The following CCNY variants were observed in gnomAD, a reference collection of about 807,000 sequenced individuals.
CCNY encodes the protein cyclin-Y.
A neutral mutation model predicts 42.8 loss-of-function variants in CCNY; 19 were observed. The ratio of observed to expected loss-of-function variants is 0.44; its 90% CI spans 0.31 to 0.65. CCNY has a LOEUF of 0.65. Ranked by LOEUF, CCNY falls within the 30% of genes least tolerant of loss-of-function variation. The pLI, the probability that CCNY is intolerant of heterozygous loss-of-function variation, is 0.07. For missense variants in CCNY, 370 were observed against 437.3 expected, an observed-to-expected ratio of 0.85 and a Z score of 1.37; for synonymous variants, 165 against 162.7, an observed-to-expected ratio of 1.01 and a Z score of -0.11.
At chr10:35,497,567 G>A (rs1199881309) in intron 2 of CCNY, among the ~76,000 whole-genome samples, 1 of 151,892 alleles carries the variant, frequency 6.6e-6, no homozygotes, top group Non-Finnish European at 1.5e-5. Context: ...GCAAAACCCT[G>A]TCTCTACTAA....
intron 3 of CCNY, among the ~76,000 whole-genome samples, chr10:35,505,318 A>G (rs1171944563): frequency 6.6e-6 from 1 of 152,124 alleles, no homozygotes; most frequent in Non-Finnish European, 1.5e-5. Context: ...TGAGGAGTTG[A>G]ATAGCCAGCT....
intron 7 of CCNY, among the ~76,000 whole-genome samples, chr10:35,541,017 C>T (rs1323589564): frequency 3.3e-5 from 5 of 152,108 alleles, no homozygotes; most frequent in Non-Finnish European, 1.5e-5. Context: ...TCATTTCTTT[C>T]CACTTTAATG....
At chr10:35,462,750 C>G (rs1406375889) in intron 1 of CCNY, among the ~76,000 whole-genome samples, 1 of 152,184 alleles carries the variant, frequency 6.6e-6, no homozygotes, top group Admixed American at 6.5e-5. Flanking sequence ...AAACACTAGC[C>G]GTCCCTCTAC....
At chr10:35,356,938 C>G (rs1282751998) in intron 1 of CCNY, among the ~76,000 whole-genome samples, 3 of 152,104 alleles carry the variant, frequency 2.0e-5, no homozygotes, top group African/African-American at 7.3e-5. Flanking sequence ...GTGTCTGTCC[C>G]CTGCCTGCCA....
At chr10:35,536,978 G>T (rs1356487206) in intron 7 of CCNY, among the ~76,000 whole-genome samples, 9 of 152,188 alleles carry the variant, frequency 5.9e-5, no homozygotes, top group African/African-American at 1.9e-4. Context: ...CATGTCAGAG[G>T]TCTTCAGGGC....
At chr10:35,293,464 A>G (rs201791486) in intron 3 of CCNY, among the ~76,000 whole-genome samples, 2 of 152,136 alleles carry the variant, frequency 1.3e-5, no homozygotes, top group East Asian at 3.9e-4. Flanking sequence ...GAATTTCTAG[A>G]TGAATTTTAG....
intron 3 of CCNY, among the ~76,000 whole-genome samples, chr10:35,286,631 C>T (rs1297163707): frequency 6.7e-6 from 1 of 150,140 alleles, no homozygotes; most frequent in African/African-American, 2.5e-5. Flanking sequence ...GCTGGGATTA[C>T]AGGCGTGAGC....
chr10:35,256,249 CT>C (rs2095715387), intron 3 of CCNY, among the ~76,000 whole-genome samples: 1 of 151,968 alleles, frequency 6.6e-6, no homozygotes, highest in African/African-American at 2.4e-5. Flanking sequence ...TTCTATATGC[CT>C]TATAACTTTT....
chr10:35,331,181 C>CT (rs1309453816), intron 3 of CCNY, among the ~76,000 whole-genome samples: 2 of 152,228 alleles, frequency 1.3e-5, no homozygotes, highest in Non-Finnish European at 2.9e-5. Context: ...CAAAACAGGC[C>CT]TTGAAACTAT....
intron 3 of CCNY, among the ~76,000 whole-genome samples, chr10:35,309,364 G>A (rs1348823946): frequency 6.6e-6 from 1 of 152,202 alleles, no homozygotes; most frequent in Non-Finnish European, 1.5e-5. Context: ...CTGCCTCTGG[G>A]TGATGGAGAA....
chr10:35,372,438 G>C (rs1032432027), intron 1 of CCNY, among the ~76,000 whole-genome samples: 1 of 152,168 alleles, frequency 6.6e-6, no homozygotes, highest in Non-Finnish European at 1.5e-5. Flanking sequence ...GATCAGCCTC[G>C]GGCCTTCCAG....
chr10:35,337,259 A>C, intron 1 of CCNY, 52 bp downstream of exon 1: 1 of 1,425,616 alleles, frequency 7.0e-7, no homozygotes, highest in Non-Finnish European at 9.3e-7. Context: ...ACAGTCGCAC[A>C]GCCAACGTCG....
At chr10:35,491,266 C>A (rs1839888831) in intron 2 of CCNY, among the ~76,000 whole-genome samples, 1 of 152,202 alleles carries the variant, frequency 6.6e-6, no homozygotes, top group African/African-American at 2.4e-5. Context: ...GTCATAACTT[C>A]CTATAAATTG....
chr10:35,546,687 C>T (rs532660087), intron 7 of CCNY, among the ~76,000 whole-genome samples: 1 of 152,296 alleles, frequency 6.6e-6, no homozygotes, highest in East Asian at 1.9e-4. Flanking sequence ...CCCTCTGTTA[C>T]AGGATGTATT....
At chr10:35,300,668 C>T (rs1835523264) in intron 3 of CCNY, among the ~76,000 whole-genome samples, 1 of 152,172 alleles carries the variant, frequency 6.6e-6, no homozygotes, top group African/African-American at 2.4e-5. Flanking sequence ...TGCTTAACAA[C>T]TGCTTTACTC....
rs561725612 is a variant in CCNY, at chr10:35,343,969, G to A, written c.154+6762G>A. Among the ~76,000 whole-genome samples the A allele has an allele frequency of 1.5e-3, 231 of 152,318 alleles. 1 individual carries two copies. The highest frequency in any genetic ancestry group is 2.7e-3 in the Non-Finnish European group (186 of 68,030). On this transcript the variant is annotated intron_variant, in intron 1 of 9. Transcript: ENST00000374704. ...TCCTTTCATGATTCAACATTGGGCT[G>A]TGAGGGTAGGTCCCCAGCAATGACA... is the stretch of plus-strand genomic sequence containing the variant.
chr10:35,277,921 C>G (rs537085387), intron 3 of CCNY, among the ~76,000 whole-genome samples: 2 of 152,068 alleles, frequency 1.3e-5, no homozygotes, highest in Admixed American at 6.6e-5. Flanking sequence ...TAAAAGGCCA[C>G]GCAATGAGTT....
chr10:35,393,815 G>A (rs1837466870), intron 1 of CCNY, among the ~76,000 whole-genome samples: 1 of 152,140 alleles, frequency 6.6e-6, no homozygotes, highest in Admixed American at 6.6e-5. Flanking sequence ...GGGCACGGTG[G>A]CACGCACCTG....
Position 35,476,176 on chromosome 10 carries a change from A to G in CCNY, c.155-7228A>G, listed in dbSNP as rs543993098. 2.1e-3 allele frequency among the ~76,000 whole-genome samples: 317 copies of G among 152,342 alleles called. 2 individuals are homozygous for G. Among genetic ancestry groups the G allele is most frequent in the Non-Finnish European group, 3.5e-3 (239 of 68,040 alleles). ...TACAAAGAGACTTAGACTCCCACACATTAATAATGGGAGACTTTAACACCC... is the reference window on the plus strand; with the variant it reads ...TACAAAGAGACTTAGACTCCCACACGTTAATAATGGGAGACTTTAACACCC... On this transcript the variant is annotated intron_variant, in intron 1 of 9. Coordinates refer to ENST00000374704, the MANE Select transcript of CCNY (RefSeq NM_145012.6).
Sources: gnomAD v4.1 joint callset for allele counts (sites outside exome capture counted in the v4.1 genomes callset) on GRCh38, gnomAD v4.1.1 for gene constraint, MANE v1.5 for transcripts, NCBI Gene and HGNC (gene_info 2026-07-23, HGNC 2026-07-21) for gene names.